The following BRINP3 variants were observed in gnomAD, a reference collection of about 807,000 sequenced individuals.
BRINP3 encodes BMP/retinoic acid inducible neural specific 3.
In BRINP3, 19 loss-of-function variants were observed where a neutral mutation model predicts 71.0. That is an observed-to-expected ratio of 0.27 (90% CI 0.19 to 0.39). The LOEUF is 0.39. BRINP3 is among the 10% of genes least tolerant of loss of function. The pLI, the probability that BRINP3 is intolerant of heterozygous loss-of-function variation, is 1.00. For missense variants in BRINP3, 959 were observed against 940.8 expected, an observed-to-expected ratio of 1.02 and a Z score of -0.25; for synonymous variants, 380 against 337.7, an observed-to-expected ratio of 1.13 and a Z score of -1.37.
chr1:190,320,781 T>A (rs952477218), intron 2 of BRINP3, among the ~76,000 whole-genome samples: 2 of 151,956 alleles, frequency 1.3e-5, no homozygotes, highest in African/African-American at 4.8e-5. Context: ...ATTACCTAGA[T>A]AAAACCCATG....
At position 190,193,124 on chromosome 1, in the gene BRINP3, C is replaced by T. The variant is rs529928067; in HGVS notation, c.962-32234G>A. On this transcript the variant is annotated intron_variant, in intron 6 of 7. Coordinates refer to ENST00000367462, the MANE Select transcript of BRINP3 (RefSeq NM_199051.3). ...ATTTTAGATTTGTGAATTCCTTACT[C>T]TTTCTGAAAATCCTGAGTGGAATGG... Among the ~76,000 whole-genome samples the T allele has an allele frequency of 1.2e-4, 18 of 152,044 alleles. No individual in the cohort carries two copies. In the South Asian group the frequency reaches 3.7e-3, roughly 32 times the overall value.
chr1:190,255,379 C>G (rs1488602823), intron 4 of BRINP3, among the ~76,000 whole-genome samples: 1 of 151,782 alleles, frequency 6.6e-6, no homozygotes, highest in Non-Finnish European at 1.5e-5. Context: ...TCTTTGTACC[C>G]CTGGTATAAT....
intron 6 of BRINP3, among the ~76,000 whole-genome samples, chr1:190,164,176 C>A (rs1017674342): frequency 6.6e-6 from 1 of 152,050 alleles, no homozygotes; most frequent in African/African-American, 2.4e-5. Context: ...TTGACCAATG[C>A]AGTTAATTGT....
intron 5 of BRINP3, among the ~76,000 whole-genome samples, chr1:190,229,224 G>A (rs559142531): frequency 3.9e-5 from 6 of 151,934 alleles, no homozygotes; most frequent in South Asian, 2.1e-4. Flanking sequence ...CACATGTCGT[G>A]GGAGGGACCC....
At chr1:190,359,087 C>CAAAT (rs1668952311) in intron 2 of BRINP3, among the ~76,000 whole-genome samples, 3 of 151,594 alleles carry the variant, frequency 2.0e-5, no homozygotes, top group Admixed American at 6.6e-5. Context: ...GTGCAGCAAA[C>CAAAT]GAATATGACA....
intron 4 of BRINP3, among the ~76,000 whole-genome samples, chr1:190,241,707 C>T (rs1007425583): frequency 1.8e-4 from 27 of 151,836 alleles, no homozygotes; most frequent in African/African-American, 6.3e-4. Context: ...TATATTACTT[C>T]CCACTAGGAT....
intron 2 of BRINP3, among the ~76,000 whole-genome samples, chr1:190,429,724 G>A (rs1304955862): frequency 6.6e-6 from 1 of 151,482 alleles, no homozygotes; most frequent in East Asian, 1.9e-4. Context: ...CCAAGTAGCT[G>A]GGATTACAGG....
chr1:190,377,943 A>C (rs1328169592), intron 2 of BRINP3, among the ~76,000 whole-genome samples: 4 of 152,170 alleles, frequency 2.6e-5, no homozygotes. Flanking sequence ...TTAAGATAAC[A>C]CTACTACTCT....
At chr1:190,109,901 A>G (rs974646019) in intron 7 of BRINP3, among the ~76,000 whole-genome samples, 1 of 152,198 alleles carries the variant, frequency 6.6e-6, no homozygotes, top group African/African-American at 2.4e-5. Flanking sequence ...ATTTGGACTG[A>G]TCCTCATGAC....
chr1:190,167,302 G>C (rs1346658627), intron 6 of BRINP3, among the ~76,000 whole-genome samples: 3 of 152,020 alleles, frequency 2.0e-5, no homozygotes, highest in Non-Finnish European at 4.4e-5. Context: ...TACTGGCTGG[G>C]ACAAAAAGCT....
intron 6 of BRINP3, among the ~76,000 whole-genome samples, chr1:190,189,305 T>C (rs1482820190): frequency 6.6e-6 from 1 of 152,148 alleles, no homozygotes; most frequent in Non-Finnish European, 1.5e-5. Context: ...CTTTTTATTT[T>C]TGATTCAATT....
intron 2 of BRINP3, among the ~76,000 whole-genome samples, chr1:190,375,497 A>G (rs1193985865): frequency 6.6e-6 from 1 of 151,988 alleles, no homozygotes; most frequent in African/African-American, 2.4e-5. Context: ...GGCATAACAA[A>G]CTGAATAAAA....
chr1:190,110,621 C>T (rs545020177), intron 7 of BRINP3, among the ~76,000 whole-genome samples: 2 of 152,190 alleles, frequency 1.3e-5, no homozygotes, highest in South Asian at 4.2e-4. Context: ...TGTTGGAGTC[C>T]TGTAGTATAA....
chr1:190,397,390 A>G (rs988034399), intron 2 of BRINP3, among the ~76,000 whole-genome samples: 2 of 151,764 alleles, frequency 1.3e-5, no homozygotes, highest in Non-Finnish European at 2.9e-5. Context: ...TGCATTTCCC[A>G]TACCTGTCTC....
At chr1:190,327,352 G>GAAAAAAAAAAAA (rs796445574) in intron 2 of BRINP3, among the ~76,000 whole-genome samples, 4 of 77,426 alleles carry the variant, frequency 5.2e-5, no homozygotes, top group South Asian at 4.2e-4. Flanking sequence ...AAAAAAAAAG[G>GAAAAAAAAAAAA]AAAAAAAAAA....
chr1:190,404,863 G>A (rs1444423982), intron 2 of BRINP3, among the ~76,000 whole-genome samples: 2 of 152,104 alleles, frequency 1.3e-5, no homozygotes, highest in Non-Finnish European at 1.5e-5. Context: ...CTATGAGATT[G>A]AGTTTTATTA....
At chr1:190,382,951 A>C (rs1285764303) in intron 2 of BRINP3, among the ~76,000 whole-genome samples, 3 of 152,100 alleles carry the variant, frequency 2.0e-5, no homozygotes, top group African/African-American at 7.2e-5. Flanking sequence ...AATTTCCTCA[A>C]GTGCTTTCAC....
intron 4 of BRINP3, among the ~76,000 whole-genome samples, chr1:190,257,296 C>T (rs1246349136): frequency 1.3e-5 from 2 of 152,148 alleles, no homozygotes; most frequent in Non-Finnish European, 2.9e-5. Flanking sequence ...GAAGCTTGTG[C>T]ATGTGTCATG....
chr1:190,281,807 T>C lies in BRINP3; in HGVS notation c.237-57A>G, dbSNP rs1319376561. 12 of 1,504,404 alleles carry C rather than the reference T, an allele frequency of 8.0e-6. No homozygotes were observed. In the East Asian group the frequency reaches 1.4e-4, roughly 18 times the overall value. 93.2% of individuals were successfully genotyped at this position (1,504,404 alleles called of 1,614,324 possible). On this transcript the variant is annotated intron_variant, in intron 2 of 7. Transcript: ENST00000367462. ...GCATAATCTATCTGAATGTTTTCAT[T>C]TGAGTTCACTTGGTAGCTGGGGTCA... is the stretch of plus-strand genomic sequence containing the variant.
Sources: allele counts gnomAD v4.1 joint callset (sites outside exome capture counted in the v4.1 genomes callset), GRCh38; gene constraint gnomAD v4.1.1; transcripts MANE v1.5; gene names NCBI Gene and HGNC (gene_info 2026-07-23, HGNC 2026-07-21).